ADK: variants seen among roughly 807,000 people sequenced by gnomAD.
The protein encoded by ADK is N6,N6-dimethyladenosine kinase.
Under a neutral mutation model 44.7 loss-of-function variants are expected in ADK, and 24 were observed. The ratio of observed to expected loss-of-function variants is 0.54; its 90% confidence interval spans 0.39 to 0.76. The LOEUF is 0.76. ADK is among the 30% of genes least tolerant of loss of function. ADK has a pLI of 0.00. For synonymous variants in ADK, 128 were observed against 142.6 expected (o/e 0.90, Z 0.73); for missense variants, 321 against 425.1 (o/e 0.76, Z 2.15).
chr10:74,233,563 C>G (rs183483115), intron 3 of ADK, among the ~76,000 whole-genome samples: 38 of 152,290 alleles, frequency 2.5e-4, no homozygotes, highest in African/African-American at 9.1e-4. Flanking sequence ...TCTCTTGTGA[C>G]ATATCTTAAG....
chr10:74,356,640 C>T (rs1028034665), intron 4 of ADK, among the ~76,000 whole-genome samples: 1 of 152,172 alleles, frequency 6.6e-6, no homozygotes, highest in African/African-American at 2.4e-5. Flanking sequence ...TCTAGCAAGC[C>T]TATTTCAACA....
chr10:74,228,234 A>T (rs1379091721), intron 3 of ADK, among the ~76,000 whole-genome samples: 1 of 152,174 alleles, frequency 6.6e-6, no homozygotes, highest in Non-Finnish European at 1.5e-5. Flanking sequence ...CAGCAGTGAC[A>T]CTTGTTTTTC....
intron 3 of ADK, among the ~76,000 whole-genome samples, chr10:74,245,805 G>A (rs181321090): frequency 3.6e-4 from 54 of 152,100 alleles, no homozygotes; most frequent in African/African-American, 1.2e-3. Flanking sequence ...TGGTCAGGCT[G>A]GTCTTGAACT....
intron 3 of ADK, among the ~76,000 whole-genome samples, chr10:74,228,640 T>G (rs568348777): frequency 1.3e-5 from 2 of 152,306 alleles, no homozygotes; most frequent in South Asian, 4.1e-4. Context: ...AATCTTACTC[T>G]CCAATAGTGG....
chr10:74,519,452 T>A lies in ADK; in HGVS notation c.556-5804T>A, dbSNP rs186683386. Among the ~76,000 whole-genome samples, 4 of 152,118 alleles carry A rather than the reference T, an allele frequency of 2.6e-5. No homozygotes were observed. In the East Asian group the frequency reaches 7.7e-4, roughly 29 times the overall value. ...AGCCTCTCTTTGCACTAGTCACATTTTAAGTGATCAGTAGTGAGCTTTAGA... is the reference window on the plus strand; with the variant it reads ...AGCCTCTCTTTGCACTAGTCACATTATAAGTGATCAGTAGTGAGCTTTAGA... On this transcript the variant is annotated intron_variant, in intron 6 of 10. Coordinates refer to ENST00000539909, the MANE Select transcript of ADK (RefSeq NM_006721.4).
chr10:74,410,088 T>A (rs960060152), intron 6 of ADK, among the ~76,000 whole-genome samples: 15 of 152,306 alleles, frequency 9.8e-5, no homozygotes, highest in African/African-American at 3.4e-4. Flanking sequence ...TAATGTGGTT[T>A]GTGTCCATTG....
At chr10:74,184,703 T>G (rs1842684878) in intron 1 of ADK, among the ~76,000 whole-genome samples, 1 of 152,222 alleles carries the variant, frequency 6.6e-6, no homozygotes. Context: ...GACACAATTA[T>G]TAATAGACAC....
intron 4 of ADK, among the ~76,000 whole-genome samples, chr10:74,393,029 T>C (rs1843390930): frequency 6.6e-6 from 1 of 152,124 alleles, no homozygotes; most frequent in Non-Finnish European, 1.5e-5. Flanking sequence ...TACTTATATA[T>C]GTGTTGTTTT....
chr10:74,373,458 T>A (rs945582480), intron 4 of ADK, among the ~76,000 whole-genome samples: 2 of 152,090 alleles, frequency 1.3e-5, no homozygotes, highest in South Asian at 2.1e-4. Flanking sequence ...TTATTTAGAC[T>A]CAATAATGAT....
At chr10:74,616,050 G>A (rs1185008741) in intron 9 of ADK, among the ~76,000 whole-genome samples, 2 of 152,058 alleles carry the variant, frequency 1.3e-5, no homozygotes, top group African/African-American at 2.4e-5. Context: ...TTGTATTGTT[G>A]TTGGGTTCTT....
intron 10 of ADK, among the ~76,000 whole-genome samples, chr10:74,694,320 G>A (rs1219761859): frequency 6.6e-6 from 1 of 151,614 alleles, no homozygotes; most frequent in Non-Finnish European, 1.5e-5. Context: ...GGAGGCTGAG[G>A]TGGGAGGATC....
At chr10:74,597,181 A>G (rs1851953980) in intron 8 of ADK, among the ~76,000 whole-genome samples, 1 of 152,222 alleles carries the variant, frequency 6.6e-6, no homozygotes, top group South Asian at 2.1e-4. Context: ...TTAAGTTCTT[A>G]GCATGTGCTA....
intron 3 of ADK, among the ~76,000 whole-genome samples, chr10:74,250,062 C>T (rs1449563937): frequency 2.0e-5 from 3 of 152,156 alleles, no homozygotes; most frequent in African/African-American, 7.2e-5. Context: ...CATCCATTTA[C>T]CAGTTGTTAC....
chr10:74,157,211 G>C (rs1229410802), intron 1 of ADK, among the ~76,000 whole-genome samples: 1 of 152,164 alleles, frequency 6.6e-6, no homozygotes, highest in African/African-American at 2.4e-5. Context: ...TGGAAGAGGG[G>C]TGGCCTATCA....
chr10:74,490,399 C>T (rs1393641827), intron 6 of ADK, among the ~76,000 whole-genome samples: 2 of 151,932 alleles, frequency 1.3e-5, no homozygotes, highest in African/African-American at 2.4e-5. Context: ...TTACCAACAA[C>T]CAAAAATGTA....
chr10:74,479,861 A>G (rs943498847), intron 6 of ADK, among the ~76,000 whole-genome samples: 4 of 152,250 alleles, frequency 2.6e-5, no homozygotes, highest in African/African-American at 9.6e-5. Flanking sequence ...AAATTGTATT[A>G]CTTCTACTTT....
intron 1 of ADK, among the ~76,000 whole-genome samples, chr10:74,189,431 T>C (rs1366453151): frequency 6.6e-6 from 1 of 152,260 alleles, no homozygotes; most frequent in Non-Finnish European, 1.5e-5. Flanking sequence ...TTGGTGAATG[T>C]TACCTGTGTC....
At chr10:74,346,613 C>A (rs998403380) in intron 4 of ADK, among the ~76,000 whole-genome samples, 1 of 152,118 alleles carries the variant, frequency 6.6e-6, no homozygotes, top group African/African-American at 2.4e-5. Flanking sequence ...CAGTAAGGAT[C>A]GAGTAGCTCT....
At chr10:74,605,558 G>C (rs772019718) in intron 9 of ADK, among the ~76,000 whole-genome samples, 2 of 152,038 alleles carry the variant, frequency 1.3e-5, no homozygotes, top group East Asian at 3.9e-4. Context: ...CTTAATTTGC[G>C]TATGTTGAAC....
Sources: gnomAD v4.1 joint callset for allele counts (sites outside exome capture counted in the v4.1 genomes callset) on GRCh38, gnomAD v4.1.1 for gene constraint, MANE v1.5 for transcripts, NCBI Gene and HGNC (gene_info 2026-07-23, HGNC 2026-07-21) for gene names.